The following TECRL variants were observed in gnomAD, a reference collection of about 807,000 sequenced individuals.
The protein encoded by TECRL is trans-2,3-enoyl-CoA reductase like.
A neutral mutation model predicts 52.8 loss-of-function variants in TECRL; 63 were observed. That is an observed-to-expected ratio of 1.19 (90% CI 0.97 to 1.47). TECRL has a LOEUF of 1.47. TECRL is among the 40% of genes most tolerant of loss of function. TECRL has a pLI of 0.00. For synonymous variants in TECRL, 164 were observed against 141.9 expected (o/e 1.16, Z -1.10); for missense variants, 482 against 429.6 (o/e 1.12, Z -1.08).
intron 2 of TECRL, among the ~76,000 whole-genome samples, chr4:64,346,643 CTGGG>C: frequency 6.6e-6 from 1 of 152,250 alleles, no homozygotes; most frequent in East Asian, 1.9e-4. Context: ...CAGGGGGCCC[CTGGG>C]CCAGGCCCAC....
rs151019197 is a variant in TECRL at position 64,375,430 on chromosome 4, C to T, written c.235-207G>A. 0.013 allele frequency among the ~76,000 whole-genome samples: 1,899 copies of T among 151,842 alleles called. 46 individuals are homozygous for T. The highest frequency in any genetic ancestry group is 0.043 in the African/African-American group (1,781 of 41,464). ...TTTTTTAAAAAAATTTGTTTGTATA[C>T]AACAGTAATAGCTTTATTACATTAA... On this transcript the variant is annotated intron_variant, in intron 1 of 11. Coordinates refer to ENST00000381210, the MANE Select transcript of TECRL (RefSeq NM_001010874.5).
At position 64,333,433 on chromosome 4, in the gene TECRL, G is replaced by A. The variant is rs192257576; in HGVS notation, c.287-4877C>T. ...AAAGAAGTTGATTTCAAGAGAAAGC[G>A]ATGAGATGATGAAATAAATAAAACA... On this transcript the variant is annotated intron_variant, in intron 2 of 11. Transcript: ENST00000381210. 2.6e-5 allele frequency among the ~76,000 whole-genome samples: 4 copies of A among 152,218 alleles called. No homozygotes were observed. In the East Asian group the frequency reaches 5.8e-4, roughly 22 times the overall value.
chr4:64,382,799 T>G (rs1275141290), intron 1 of TECRL, among the ~76,000 whole-genome samples: 1 of 152,136 alleles, frequency 6.6e-6, no homozygotes, highest in African/African-American at 2.4e-5. Context: ...TTTTTTTTCT[T>G]ACTATCATTG....
intron 2 of TECRL, among the ~76,000 whole-genome samples, chr4:64,352,152 A>G (rs146328135): frequency 5.9e-5 from 9 of 152,352 alleles, no homozygotes; most frequent in African/African-American, 2.2e-4. Context: ...AGAATAATAA[A>G]GTGAAATACA....
At chr4:64,376,456 T>C (rs12501698) in intron 1 of TECRL, among the ~76,000 whole-genome samples, 133,787 of 151,882 alleles carry the variant, frequency 0.88, 60,011 homozygotes, top group East Asian at 1. Context: ...AAACAGTTTA[T>C]ATAGAGAGTA....
At chr4:64,342,624 T>C (rs1211993558) in intron 2 of TECRL, among the ~76,000 whole-genome samples, 2 of 152,128 alleles carry the variant, frequency 1.3e-5, no homozygotes, top group Non-Finnish European at 2.9e-5. Context: ...GTTTTACTAT[T>C]CTCAGGTAAA....
intron 5 of TECRL, 107 bp from the exon 6 acceptor site, chr4:64,310,038 A>G: frequency 1.7e-6 from 1 of 597,092 alleles, no homozygotes; most frequent in Non-Finnish European, 2.9e-6. Context: ...GCTATTGGGA[A>G]ACATTGTTTC....
chr4:64,363,612 G>A (rs2109624797), intron 2 of TECRL, among the ~76,000 whole-genome samples: 1 of 152,250 alleles, frequency 6.6e-6, no homozygotes, highest in East Asian at 1.9e-4. Flanking sequence ...GAGAACAAAG[G>A]AAGTAGGAAG....
chr4:64,316,737 T>C (rs1198743195), intron 4 of TECRL, among the ~76,000 whole-genome samples: 1 of 151,886 alleles, frequency 6.6e-6, no homozygotes, highest in Non-Finnish European at 1.5e-5. Flanking sequence ...TACAGAATTA[T>C]ACTGAAGACT....
chr4:64,282,037 T>C (rs542193898), intron 9 of TECRL, among the ~76,000 whole-genome samples: 48 of 152,032 alleles, frequency 3.2e-4, no homozygotes, highest in African/African-American at 1.1e-3. Flanking sequence ...TATAAAGATG[T>C]CATTTATACC....
intron 9 of TECRL, among the ~76,000 whole-genome samples, chr4:64,283,830 A>C (rs1252692049): frequency 6.6e-6 from 1 of 152,026 alleles, no homozygotes; most frequent in Non-Finnish European, 1.5e-5. Flanking sequence ...GAGGTGGCCC[A>C]CTCTTCCCTA....
intron 7 of TECRL, among the ~76,000 whole-genome samples, chr4:64,303,198 GT>G (rs908079914): frequency 1.1e-4 from 16 of 150,592 alleles, no homozygotes; most frequent in Non-Finnish European, 2.1e-4. Context: ...TGAAAGGGAA[GT>G]TTTTTTGCAG....
chr4:64,318,452 T>C (rs977044600), intron 4 of TECRL, among the ~76,000 whole-genome samples: 1 of 152,060 alleles, frequency 6.6e-6, no homozygotes, highest in Non-Finnish European at 1.5e-5. Context: ...TTTCAAATTA[T>C]ATGCATGTGT....
intron 3 of TECRL, 94 bp from the exon 4 acceptor site, chr4:64,322,886 ATTAAT>A: frequency 1.2e-6 from 1 of 856,158 alleles, no homozygotes; most frequent in East Asian, 2.8e-5. Context: ...AAAGCTAAAG[ATTAAT>A]TTAATATGGA....
intron 2 of TECRL, among the ~76,000 whole-genome samples, chr4:64,363,152 A>G (rs1046894755): frequency 3.9e-5 from 6 of 152,142 alleles, no homozygotes; most frequent in African/African-American, 1.2e-4. Context: ...TCCTAAATAT[A>G]TATTCACCCA....
chr4:64,359,722 G>T (rs142834507), intron 2 of TECRL, among the ~76,000 whole-genome samples: 1 of 151,938 alleles, frequency 6.6e-6, no homozygotes, highest in Non-Finnish European at 1.5e-5. Flanking sequence ...TGGCAAAATG[G>T]CTCTCCCTTA....
chr4:64,348,130 T>C (rs947899393), intron 2 of TECRL, among the ~76,000 whole-genome samples: 1 of 152,118 alleles, frequency 6.6e-6, no homozygotes, highest in Non-Finnish European at 1.5e-5. Context: ...TACCCAAGAC[T>C]GGGTAATTTA....
rs559651853 is a variant in TECRL at position 64,303,292 on chromosome 4, G to A, written c.730+1874C>T. 4.2e-4 allele frequency among the ~76,000 whole-genome samples: 63 copies of A among 151,452 alleles called. 1 individual carries two copies. The highest frequency in any genetic ancestry group is 3.8e-3 in the Admixed American group (58 of 15,180). On this transcript the variant is annotated intron_variant, in intron 7 of 11. Coordinates refer to ENST00000381210, the MANE Select transcript of TECRL (RefSeq NM_001010874.5). ...TGGAACAAATTAGAGAGAGTCTCTGGGTCCTGTTATTTGTCAACAATGTGT... is the reference window on the plus strand; with the variant it reads ...TGGAACAAATTAGAGAGAGTCTCTGAGTCCTGTTATTTGTCAACAATGTGT...
At chr4:64,311,717 T>C (rs1717012097) in intron 5 of TECRL, among the ~76,000 whole-genome samples, 1 of 152,212 alleles carries the variant, frequency 6.6e-6, no homozygotes, top group African/African-American at 2.4e-5. Flanking sequence ...TCAAGTCTGA[T>C]TTTATTTCAA....
Sources: gnomAD v4.1 joint callset for allele counts (sites outside exome capture counted in the v4.1 genomes callset) on GRCh38, gnomAD v4.1.1 for gene constraint, MANE v1.5 for transcripts, NCBI Gene and HGNC (gene_info 2026-07-23, HGNC 2026-07-21) for gene names.